ST6GALNAC1: variants seen among roughly 807,000 people sequenced by gnomAD.
ST6GALNAC1 encodes alpha-N-acetylgalactosaminide alpha-2,6-sialyltransferase 1.
In ST6GALNAC1, 45 loss-of-function variants were observed where a neutral mutation model predicts 56.8. That is an observed-to-expected ratio of 0.79 (90% CI 0.62 to 1.02). The LOEUF (loss-of-function observed/expected upper bound fraction) is 1.02. Ranked by LOEUF, ST6GALNAC1 falls within the 50% of genes least tolerant of loss-of-function variation. ST6GALNAC1 has a pLI of 0.00. For missense variants in ST6GALNAC1, 743 were observed against 754.8 expected (o/e 0.98, Z 0.18); for synonymous variants, 295 against 297.8 (o/e 0.99, Z 0.10).
intron 1 of ST6GALNAC1, among the ~76,000 whole-genome samples, chr17:76,637,210 T>G (rs930058944): frequency 5.4e-5 from 8 of 148,006 alleles, no homozygotes; most frequent in Non-Finnish European, 1.2e-4. Context: ...CCCTCCACTA[T>G]TGTCCTATGA....
the ST6GALNAC1 span, among the ~76,000 whole-genome samples, chr17:76,617,892 G>A: frequency 6.6e-6 from 1 of 152,180 alleles, no homozygotes; most frequent in Non-Finnish European, 1.5e-5. Flanking sequence ...GAAAAATGTA[G>A]AATGTTGTGC....
rs771644279 is a variant in ST6GALNAC1 at position 76,637,272 on chromosome 17, TAAAAAAAAAA to T, written c.131+6226_131+6235del. Among the ~76,000 whole-genome samples the T allele has an allele frequency of 2.2e-4, 4 of 18,168 alleles. 1 individual carries two copies. The highest frequency in any genetic ancestry group is 4.3e-3 in the South Asian group (1 of 234). 11.9% of individuals were successfully genotyped at this position (18,168 alleles called of 152,430 possible). ...ACACCCAAGAATGATCAATAAATAC[TAAAAAAAAAA>T]AAAAAAAAAAAAAAAGATTCCCATC... On this transcript the variant is annotated intron_variant, in intron 1 of 8. Transcript: ENST00000156626.
chr17:76,638,833 G>A (rs2076010155), intron 1 of ST6GALNAC1, among the ~76,000 whole-genome samples: 1 of 152,050 alleles, frequency 6.6e-6, no homozygotes, highest in Non-Finnish European at 1.5e-5. Flanking sequence ...TGCCCACCTC[G>A]GTCTCCCAAA....
chr17:76,625,767 T>A, intron 8 of ST6GALNAC1, 52 bp downstream of exon 8: 1 of 1,415,730 alleles, frequency 7.1e-7, no homozygotes, highest in South Asian at 1.4e-5. Flanking sequence ...GGCCCAGGAA[T>A]AGCCCAGGAG....
chr17:76,622,626 G>C (rs2075753156), downstream of ST6GALNAC1, among the ~76,000 whole-genome samples: 1 of 152,140 alleles, frequency 6.6e-6, no homozygotes, highest in African/African-American at 2.4e-5. Context: ...GCCTCCCAAA[G>C]TGCTGGGATT....
At chr17:76,622,798 C>A (rs1048838733), downstream of ST6GALNAC1, among the ~76,000 whole-genome samples, 1 of 140,632 alleles carries the variant, frequency 7.1e-6, no homozygotes, top group African/African-American at 2.6e-5. Context: ...CTTGTCATTT[C>A]TTTTTTTTTT....
chr17:76,633,122 T>G (rs936885238), intron 1 of ST6GALNAC1, among the ~76,000 whole-genome samples: 2 of 151,288 alleles, frequency 1.3e-5, no homozygotes, highest in African/African-American at 4.9e-5. Flanking sequence ...GGCACGAGAG[T>G]TGCTCGAACC....
At chr17:76,641,192 C>T (rs945779855) in intron 1 of ST6GALNAC1, among the ~76,000 whole-genome samples, 2 of 152,166 alleles carry the variant, frequency 1.3e-5, no homozygotes, top group African/African-American at 4.8e-5. Flanking sequence ...ATGCTTCCCC[C>T]TGCACAGATC....
chr17:76,624,530 C>T (rs991078288), downstream of ST6GALNAC1, among the ~76,000 whole-genome samples: 1 of 152,104 alleles, frequency 6.6e-6, no homozygotes, highest in African/African-American at 2.4e-5. Context: ...GATTACAGGC[C>T]ACCGTGCCTG....
chr17:76,633,596 G>A (rs187154290), intron 1 of ST6GALNAC1: 1 of 152,248 alleles, frequency 6.6e-6, no homozygotes, highest in African/African-American at 2.4e-5. Context: ...ATAGTTATCT[G>A]GCAACATCCT....
At chr17:76,626,601 C>T in intron 5 of ST6GALNAC1, 50 bp downstream of exon 5, 1 of 1,611,660 alleles carries the variant, frequency 6.2e-7, no homozygotes, top group Non-Finnish European at 8.5e-7. Context: ...ACCTCCTGTG[C>T]TCCCTCATCC....
intron 1 of ST6GALNAC1, among the ~76,000 whole-genome samples, chr17:76,638,167 A>G (rs1473352750): frequency 6.8e-6 from 1 of 146,050 alleles, no homozygotes; most frequent in Non-Finnish European, 1.5e-5. Context: ...ATCCTTGTGC[A>G]GGGGCCATGC....
At chr17:76,628,552 G>A (rs1304644147) in intron 2 of ST6GALNAC1, among the ~76,000 whole-genome samples, 1 of 152,200 alleles carries the variant, frequency 6.6e-6, no homozygotes, top group East Asian at 1.9e-4. Context: ...AGCGAAGGCT[G>A]TGGAATTGAC....
downstream of ST6GALNAC1, among the ~76,000 whole-genome samples, chr17:76,624,446 C>T (rs1228093429): frequency 3.3e-5 from 5 of 152,064 alleles, no homozygotes; most frequent in Non-Finnish European, 5.9e-5. Context: ...GACGGGGTTT[C>T]ACCATGTTGG....
the ST6GALNAC1 span, among the ~76,000 whole-genome samples, chr17:76,618,673 C>T: frequency 6.6e-5 from 10 of 151,630 alleles, no homozygotes; most frequent in East Asian, 1.9e-4. Flanking sequence ...CCCAGCTACT[C>T]GGGAGGCTGA....
chr17:76,627,458 T>C lies in ST6GALNAC1; in HGVS notation c.957A>G (p.Glu319=). The change falls in exon 3 of 9, where the codon GAA becomes GAG. Residue 319 remains glutamate (E), a synonymous_variant. Transcript: ENST00000156626. The surrounding 1 kb of genome is among the most constrained non-coding windows in gnomAD (Gnocchi z 4.4). ...TGAAGCCAAAGGGTGGTGCAAAGTG[T>C]TCCAGGCGGTCCCACTCACTCTGGT... The part of the protein sequence containing the change: ...HFNQSEWDRL[E]HFAPPFGFME... 1 of 1,614,170 alleles carries C rather than the reference T, an allele frequency of 6.2e-7. No individual in the cohort carries two copies. The highest frequency in any genetic ancestry group is 1.7e-4 in the Middle Eastern group (1 of 6,060).
chr17:76,626,047 G>A lies in ST6GALNAC1; in HGVS notation c.1464C>T (p.Tyr488=). 1 of 1,614,160 alleles carries A rather than the reference G, an allele frequency of 6.2e-7. No individual in the cohort carries two copies. Among genetic ancestry groups the A allele is most frequent in the African/African-American group, 1.3e-5 (1 of 75,040 alleles). Residue 488 remains tyrosine, a synonymous_variant, in exon 7 of 9, where the codon TAC becomes TAT. Coordinates refer to ENST00000156626, the MANE Select transcript of ST6GALNAC1 (RefSeq NM_018414.5). ...GGAGAAAGTCTGGGTGCAGCAACAG[G>A]TACCTGTCCATGTGCAGGGCTTCCC... ...AFREALHMDR[Y]LLLHPDFLRY...
At chr17:76,639,002 C>A (rs1416372682) in intron 1 of ST6GALNAC1, among the ~76,000 whole-genome samples, 2 of 152,216 alleles carry the variant, frequency 1.3e-5, no homozygotes, top group Admixed American at 1.3e-4. Context: ...CTCACGGTCT[C>A]ATTAATGCTA....
At chr17:76,623,418 G>A (rs892518368), downstream of ST6GALNAC1, among the ~76,000 whole-genome samples, 2 of 152,106 alleles carry the variant, frequency 1.3e-5, no homozygotes, top group South Asian at 2.1e-4. Context: ...TACTAGAATC[G>A]CACTAAGTTT....
Sources: allele counts gnomAD v4.1 joint callset (sites outside exome capture counted in the v4.1 genomes callset), GRCh38; gene constraint gnomAD v4.1.1; non-coding constraint Gnocchi (gnomAD v3.1); transcripts MANE v1.5; gene names NCBI Gene and HGNC (gene_info 2026-07-23, HGNC 2026-07-21).